The following ALG12 variants were observed in gnomAD, a reference collection of about 807,000 sequenced individuals.
ALG12 encodes the protein ALG12 alpha-1,6-mannosyltransferase.
In ALG12, 36 loss-of-function variants were observed where a neutral mutation model predicts 46.0. The ratio of observed to expected loss-of-function variants is 0.78; its 90% CI spans 0.60 to 1.03. ALG12 has a LOEUF of 1.03. Ranked by LOEUF, ALG12 falls within the 50% of genes least tolerant of loss-of-function variation. The probability of loss-of-function intolerance (pLI) is 0.00; values close to 1 mark genes in which losing one functional copy is unlikely to be tolerated. For synonymous variants in ALG12, 326 were observed against 291.6 expected (o/e 1.12, Z -1.20); for missense variants, 599 against 633.5 (o/e 0.95, Z 0.58).
At chr22:49,915,931 A>G (rs532544094) in intron 1 of ALG12, among the ~76,000 whole-genome samples, 2 of 152,190 alleles carry the variant, frequency 1.3e-5, no homozygotes, top group Non-Finnish European at 2.9e-5. Flanking sequence ...AAACTCCTAC[A>G]TGGGGTTCTC....
the ALG12 span, among the ~76,000 whole-genome samples, chr22:49,872,791 G>A: frequency 7.3e-5 from 11 of 151,366 alleles, no homozygotes; most frequent in African/African-American, 2.7e-4. Flanking sequence ...TGCAACCTCT[G>A]CCTCCCAGGT....
chr22:49,913,491 G>A lies in ALG12; in HGVS notation c.189C>T (p.Val63=), dbSNP rs190345740. ...EQYDHLEFPG[V]VPRTFLGPVV... Reference sequence around the variant, plus strand: ...CTGGCCCGAGGAACGTCCTGGGGACGACTCCGGGGAACTCAAGATGGTCGT... The same window carrying A: ...CTGGCCCGAGGAACGTCCTGGGGACAACTCCGGGGAACTCAAGATGGTCGT... The change falls in exon 3 of 10, where the codon GTC becomes GTT. Residue 63 remains valine (V), a synonymous_variant. Coordinates refer to ENST00000330817, the MANE Select transcript of ALG12 (RefSeq NM_024105.4). 341 of 1,613,954 alleles carry A rather than the reference G, an allele frequency of 2.1e-4. 5 individuals carry two copies. In the East Asian group the frequency reaches 7.2e-3, roughly 34 times the overall value.
At chr22:49,873,129 G>A in the ALG12 span, among the ~76,000 whole-genome samples, 1 of 152,168 alleles carries the variant, frequency 6.6e-6, no homozygotes, top group Non-Finnish European at 1.5e-5. Flanking sequence ...CTACAGCCAG[G>A]GATTTCCTTC....
intron 1 of ALG12, chr22:49,918,033 G>A (rs972628167): frequency 2.9e-5 from 4 of 135,640 alleles, no homozygotes; most frequent in Non-Finnish European, 6.5e-5. Context: ...CCGGCCCCCG[G>A]GTGAGAGGTC....
At chr22:49,867,971 G>GT in the ALG12 span, among the ~76,000 whole-genome samples, 1 of 152,178 alleles carries the variant, frequency 6.6e-6, no homozygotes, top group African/African-American at 2.4e-5. Flanking sequence ...GTGTCACACC[G>GT]TATGTTGTTA....
the ALG12 span, chr22:49,887,294 A>C: frequency 3.5e-6 from 4 of 1,130,054 alleles, no homozygotes; most frequent in African/African-American, 1.6e-5. Context: ...AGGCACTCTC[A>C]GGGCCGCTCT....
At chr22:49,896,756 C>T (rs936112523), downstream of ALG12, among the ~76,000 whole-genome samples, 6 of 152,216 alleles carry the variant, frequency 3.9e-5, no homozygotes, top group African/African-American at 1.4e-4. Context: ...CTGCTTCAGC[C>T]TCCCCAGTAG....
At chr22:49,886,753 A>G in the ALG12 span, 1 of 1,612,558 alleles carries the variant, frequency 6.2e-7, no homozygotes, top group Admixed American at 1.7e-5. The surrounding 1 kb of genome is among the most constrained non-coding windows in gnomAD (Gnocchi z 7.7). Context: ...GGATTTAATC[A>G]GGGAACTCGA....
intron 1 of ALG12, among the ~76,000 whole-genome samples, chr22:49,915,229 C>T (rs1293025225): frequency 1.3e-5 from 2 of 152,294 alleles, no homozygotes; most frequent in Admixed American, 6.5e-5. Flanking sequence ...AACCTGGGGC[C>T]GGGCGCGGTC....
At chr22:49,917,917 G>A (rs889756257) in intron 1 of ALG12, among the ~76,000 whole-genome samples, 1 of 152,062 alleles carries the variant, frequency 6.6e-6, no homozygotes, top group Admixed American at 6.6e-5. Context: ...CAGCCCCCAG[G>A]TGAAAAACCC....
Position 49,902,410 on chromosome 22 carries a change from A to G in ALG12, c.*1428T>C, listed in dbSNP as rs541113387. The G allele has an allele frequency of 0.016, 1,047 of 66,716 alleles. 77 individuals are homozygous for G. Among genetic ancestry groups the G allele is most frequent in the African/African-American group, 0.055 (428 of 7,720 alleles). The allele number at this position is 66,716 out of a possible 1,614,324, so 4.1% of individuals were successfully genotyped here. A position where few individuals can be genotyped will look rare whatever the true frequency, so the allele number is the denominator to read the frequency against. Reference sequence around the variant, plus strand: ...TGGTGTGTATGCATGGTGTGTGCACATGTGCACTGTGTATGCATGGTGTGT... The same window carrying G: ...TGGTGTGTATGCATGGTGTGTGCACGTGTGCACTGTGTATGCATGGTGTGT... On this transcript the variant is annotated 3_prime_UTR_variant, in exon 10 of 10. Coordinates refer to ENST00000330817, the MANE Select transcript of ALG12 (RefSeq NM_024105.4).
the ALG12 span, among the ~76,000 whole-genome samples, chr22:49,878,727 T>C: frequency 7.9e-4 from 120 of 152,294 alleles, 2 homozygotes; most frequent in East Asian, 0.014. Flanking sequence ...TAAAAACTTA[T>C]GCTCTTCAAA....
At position 49,900,654 on chromosome 22, in the gene ALG12, T is replaced by C. The variant is rs905964428; in HGVS notation, c.*3184A>G. The stretch of plus-strand genomic sequence containing the variant: ...CTGCACTGGAGCTCTCGAGCAGGCG[T>C]GCACTGGACTCCCTAGCAGATGCGT... On this transcript the variant is annotated 3_prime_UTR_variant, in exon 10 of 10. Coordinates refer to ENST00000330817, the MANE Select transcript of ALG12 (RefSeq NM_024105.4). 1.3e-5 allele frequency: 2 copies of C among 151,964 alleles called. No individual in the cohort carries two copies. The highest frequency in any genetic ancestry group is 4.8e-5 in the African/African-American group (2 of 41,370). The allele number at this position is 151,964 out of a possible 1,614,324, so 9.4% of individuals were successfully genotyped here.
At chr22:49,868,998 C>A in the ALG12 span, among the ~76,000 whole-genome samples, 1 of 151,488 alleles carries the variant, frequency 6.6e-6, no homozygotes, top group African/African-American at 2.4e-5. Context: ...ATGGTGTATG[C>A]CTGTAATCCG....
the ALG12 span, chr22:49,888,853 C>G: frequency 6.6e-5 from 11 of 167,272 alleles, no homozygotes; most frequent in African/African-American, 2.2e-4. Context: ...GCCCACCCAT[C>G]TCTCCCTCGC....
the ALG12 span, among the ~76,000 whole-genome samples, chr22:49,875,276 G>A: frequency 2.0e-5 from 3 of 151,628 alleles, no homozygotes; most frequent in East Asian, 5.8e-4. Context: ...AGTCATCTGG[G>A]CCTGGGAGTT....
the ALG12 span, among the ~76,000 whole-genome samples, chr22:49,866,624 G>A: frequency 4.6e-5 from 7 of 152,044 alleles, no homozygotes; most frequent in South Asian, 2.1e-4. Flanking sequence ...GGAAGTTACC[G>A]TTTTCATTTA....
chr22:49,864,803 G>C, the ALG12 span, among the ~76,000 whole-genome samples: 317 of 122,666 alleles, frequency 2.6e-3, 7 homozygotes, highest in African/African-American at 9.9e-3. Flanking sequence ...CTGAGCGCCA[G>C]AGTGAGACCC....
At chr22:49,883,645 G>T in the ALG12 span, 14 of 1,533,628 alleles carry the variant, frequency 9.1e-6, no homozygotes, top group East Asian at 4.5e-5. Flanking sequence ...GATACAGCCG[G>T]AGTAGTTATG....
Sources: allele counts gnomAD v4.1 joint callset (sites outside exome capture counted in the v4.1 genomes callset), GRCh38; gene constraint gnomAD v4.1.1; non-coding constraint Gnocchi (gnomAD v3.1); transcripts MANE v1.5; gene names NCBI Gene and HGNC (gene_info 2026-07-23, HGNC 2026-07-21).